The following RXFP1 variants were observed in gnomAD, a reference collection of about 807,000 sequenced individuals.
RXFP1 encodes the protein relaxin family peptide receptor 1.
RXFP1 carries 73 observed loss-of-function variants against 89.8 expected under a neutral mutation model. The ratio of observed to expected loss-of-function variants is 0.81; its 90% CI spans 0.67 to 0.99. The LOEUF (loss-of-function observed/expected upper bound fraction) is 0.99, where lower values mean the gene tolerates loss of function less well. Ranked by LOEUF, RXFP1 falls within the 50% of genes least tolerant of loss-of-function variation. The pLI is 0.00. For missense variants in RXFP1, 793 were observed against 895.5 expected (o/e 0.89, Z 1.46); for synonymous variants, 277 against 305.5 (o/e 0.91, Z 0.97).
intron 1 of RXFP1, among the ~76,000 whole-genome samples, chr4:158,567,239 C>A (rs531553353): frequency 6.6e-6 from 1 of 152,302 alleles, no homozygotes; most frequent in African/African-American, 2.4e-5. Flanking sequence ...TGGCCCCCTG[C>A]TCCAGGGCAC....
At chr4:158,602,956 G>C (rs1326530462) in intron 4 of RXFP1, among the ~76,000 whole-genome samples, 3 of 152,050 alleles carry the variant, frequency 2.0e-5, no homozygotes, top group Admixed American at 1.3e-4. Context: ...AAACAGACAG[G>C]GTCTCACTGT....
chr4:158,593,143 C>T (rs1311831394), intron 2 of RXFP1, among the ~76,000 whole-genome samples: 1 of 150,796 alleles, frequency 6.6e-6, no homozygotes, highest in Non-Finnish European at 1.5e-5. Flanking sequence ...TTTCATAATT[C>T]ACTCCCCCAA....
intron 12 of RXFP1, among the ~76,000 whole-genome samples, chr4:158,635,471 C>A (rs1768950151): frequency 1.3e-5 from 2 of 152,120 alleles, no homozygotes; most frequent in South Asian, 2.1e-4. Context: ...AAACAGAGAT[C>A]ATTTTTTTCT....
intron 13 of RXFP1, among the ~76,000 whole-genome samples, chr4:158,638,811 C>A (rs376404623): frequency 4.0e-3 from 517 of 127,842 alleles, no homozygotes; most frequent in Middle Eastern, 7.9e-3. Flanking sequence ...GACCCTGTCT[C>A]AAAAAAAAAA....
intron 5 of RXFP1, chr4:158,607,091 G>A: frequency 2.0e-6 from 3 of 1,536,012 alleles, no homozygotes; most frequent in Non-Finnish European, 2.6e-6. Flanking sequence ...GAACATGAAG[G>A]CAGCCTTGAA....
chr4:158,591,774 T>G (rs1032078507), intron 2 of RXFP1, among the ~76,000 whole-genome samples: 1 of 152,022 alleles, frequency 6.6e-6, no homozygotes, highest in East Asian at 1.9e-4. Context: ...TTTTAAAAAT[T>G]TTAAAAGAAA....
chr4:158,643,534 A>G (rs1212856958), intron 14 of RXFP1, among the ~76,000 whole-genome samples: 2 of 138,222 alleles, frequency 1.4e-5, no homozygotes, highest in African/African-American at 5.4e-5. Context: ...GCAGTGGTGC[A>G]ATCTCGGCTC....
chr4:158,533,587 T>G (rs1376009448), intron 1 of RXFP1, among the ~76,000 whole-genome samples: 1 of 152,194 alleles, frequency 6.6e-6, no homozygotes, highest in Non-Finnish European at 1.5e-5. Flanking sequence ...ATAGGAGAAT[T>G]GGAATTTTCA....
chr4:158,597,996 C>A (rs1241186225), intron 3 of RXFP1, among the ~76,000 whole-genome samples: 8 of 152,144 alleles, frequency 5.3e-5, no homozygotes, highest in African/African-American at 1.9e-4. Context: ...TCTCTTGTAA[C>A]CCTGTGAAGA....
chr4:158,605,487 C>T (rs556288952), intron 5 of RXFP1, among the ~76,000 whole-genome samples: 23 of 152,268 alleles, frequency 1.5e-4, no homozygotes, highest in Non-Finnish European at 2.6e-4. Context: ...AAAAATGTTA[C>T]GCTCTTTTGT....
At chr4:158,563,821 G>A (rs1579639323) in intron 1 of RXFP1, among the ~76,000 whole-genome samples, 1 of 149,490 alleles carries the variant, frequency 6.7e-6, no homozygotes, top group East Asian at 1.9e-4. Flanking sequence ...TAGTGACATT[G>A]TAGCCATTAT....
chr4:158,564,062 A>G (rs1258788095), intron 1 of RXFP1, among the ~76,000 whole-genome samples: 1 of 151,856 alleles, frequency 6.6e-6, no homozygotes, highest in Non-Finnish European at 1.5e-5. Flanking sequence ...TGATCTTAGA[A>G]ATTTTGTTAT....
chr4:158,567,953 C>A (rs970937792), intron 1 of RXFP1, among the ~76,000 whole-genome samples: 1 of 152,186 alleles, frequency 6.6e-6, no homozygotes, highest in Non-Finnish European at 1.5e-5. Context: ...TGCAGCTGCT[C>A]ACGCTTTGGA....
At chr4:158,564,843 G>A (rs1579647461) in intron 1 of RXFP1, among the ~76,000 whole-genome samples, 1 of 152,128 alleles carries the variant, frequency 6.6e-6, no homozygotes, top group African/African-American at 2.4e-5. Context: ...TTAAAGATAT[G>A]GTTCCATGCT....
Position 158,652,001 on chromosome 4 carries a change from C to T in RXFP1, c.2220C>T (p.Tyr740=), listed in dbSNP as rs1772840003. 1.2e-6 allele frequency: 2 copies of T among 1,613,934 alleles called. No individual in the cohort carries two copies. Among genetic ancestry groups the T allele is most frequent in the East Asian group, 4.5e-5 (2 of 44,874 alleles). Residue 740 remains tyrosine, a synonymous_variant, in exon 18 of 18, where the codon TAC becomes TAT. Coordinates refer to ENST00000307765, the MANE Select transcript of RXFP1 (RefSeq NM_021634.4). ...PELMKPDLFT[Y]PCEMSLISQS... is the part of the protein sequence containing the mutation. ...TAATGAAGCCGGACCTTTTCACATA[C>T]CCCTGTGAAATGTCACTGATTTCTC...
chr4:158,647,839 A>G (rs570065072), intron 16 of RXFP1, among the ~76,000 whole-genome samples: 335 of 152,274 alleles, frequency 2.2e-3, no homozygotes, highest in Admixed American at 3.4e-3. Flanking sequence ...AATATGGTAA[A>G]ACCCCATCTC....
intron 1 of RXFP1, among the ~76,000 whole-genome samples, chr4:158,533,643 G>A (rs941798036): frequency 3.9e-5 from 6 of 152,208 alleles, no homozygotes; most frequent in South Asian, 2.1e-4. Context: ...TCATTTGGTC[G>A]TTTATTTTTT....
intron 1 of RXFP1, among the ~76,000 whole-genome samples, chr4:158,544,668 A>G (rs1049477979): frequency 1.3e-4 from 20 of 151,932 alleles, no homozygotes; most frequent in African/African-American, 4.6e-4. Context: ...TTATTGTTCA[A>G]TTCCCACCTA....
intron 4 of RXFP1, among the ~76,000 whole-genome samples, chr4:158,602,075 A>C (rs879572372): frequency 2.0e-5 from 3 of 152,210 alleles, no homozygotes; most frequent in Non-Finnish European, 2.9e-5. Context: ...GTGAACAATC[A>C]AAGTTGGACT....
Sources: gnomAD v4.1 joint callset for allele counts (sites outside exome capture counted in the v4.1 genomes callset) on GRCh38, gnomAD v4.1.1 for gene constraint, MANE v1.5 for transcripts, NCBI Gene and HGNC (gene_info 2026-07-23, HGNC 2026-07-21) for gene names.